Variants in QTRT1 observed in about 807,000 individuals in gnomAD.
QTRT1 encodes queuine tRNA-ribosyltransferase catalytic subunit 1.
A neutral mutation model predicts 44.0 loss-of-function variants in QTRT1; 41 were observed. The observed-to-expected ratio is 0.93, with a 90% CI of 0.73 to 1.21. The LOEUF is 1.21. QTRT1 is among the 50% of genes most tolerant of loss of function. The probability of loss-of-function intolerance (pLI) is 0.00; values close to 1 mark genes in which losing one functional copy is unlikely to be tolerated. For missense variants in QTRT1, 542 were observed against 575.8 expected (o/e 0.94, Z 0.60); for synonymous variants, 226 against 237.1 (o/e 0.95, Z 0.43).
intron 5 of QTRT1, chr19:10,711,175 TTC>T (rs1186614472): frequency 5.2e-5 from 8 of 152,386 alleles, no homozygotes; most frequent in South Asian, 2.1e-4. Context: ...TTGTTGTTGT[TTC>T]GTTTTGTTTT....
intron 5 of QTRT1, chr19:10,711,234 T>A (rs928319400): frequency 2.0e-5 from 3 of 152,376 alleles, no homozygotes; most frequent in Admixed American, 6.6e-5. Flanking sequence ...TGCAGTCATC[T>A]GATCTCGGCT....
At chr19:10,703,668 G>T (rs1305560820) in intron 3 of QTRT1, among the ~76,000 whole-genome samples, 1 of 151,606 alleles carries the variant, frequency 6.6e-6, no homozygotes, top group Non-Finnish European at 1.5e-5. Context: ...ACAGGTGCCC[G>T]CTACCACACC....
chr19:10,705,440 T>C (rs1011336688), intron 3 of QTRT1, among the ~76,000 whole-genome samples: 1 of 151,812 alleles, frequency 6.6e-6, no homozygotes, highest in Non-Finnish European at 1.5e-5. Flanking sequence ...GGTTTCACCA[T>C]GTTGGCCAGG....
rs772844765 is a variant in QTRT1 at position 10,701,622 on chromosome 19, G to C, written c.162G>C (p.Met54Ile). The change falls in exon 1 of 10, where the codon ATG becomes ATC. Residue 54 changes from methionine to isoleucine, a missense_variant. Met to Ile is a conservative substitution (Grantham distance 10). Transcript: ENST00000250237. ...VFMPVGTQAT[M>I]KGITTEQLDA... ...TGCCAGTGGGCACGCAGGCCACCAT[G>C]AAGGGCATCACGACCGAACAGCTGG... 1 of 1,605,418 alleles carries C rather than the reference G, an allele frequency of 6.2e-7. No individual in the cohort carries two copies. The highest frequency in any genetic ancestry group is 1.7e-5 in the Admixed American group (1 of 59,070).
chr19:10,712,481 T>C lies in QTRT1; in HGVS notation c.786-72T>C. The stretch of plus-strand genomic sequence containing the variant: ...GGGAATATGGCCCAGTCTGGGGCAG[T>C]GTGAGGGTTGGGAGGGGCCCTGGGA... On this transcript the variant is annotated intron_variant, in intron 6 of 9. Transcript: ENST00000250237. The surrounding 1 kb of genome is among the most constrained non-coding windows in gnomAD (Gnocchi z 5.6). 6.8e-7 allele frequency: 1 copy of C among 1,459,962 alleles called. No individual in the cohort carries two copies. Among genetic ancestry groups the C allele is most frequent in the South Asian group, 1.1e-5 (1 of 88,034 alleles). 90.4% of individuals were successfully genotyped at this position (1,459,962 alleles called of 1,614,324 possible).
At chr19:10,707,458 C>A (rs780193815) in intron 4 of QTRT1, 42 bp from the exon 5 acceptor site, 7 of 1,608,830 alleles carry the variant, frequency 4.4e-6, no homozygotes, top group Non-Finnish European at 6.0e-6. Flanking sequence ...CTCCTACCCC[C>A]TCACCAGGCC....
At position 10,712,011 on chromosome 19, in the gene QTRT1, C is replaced by T. The variant is rs948138445; in HGVS notation, c.647-150C>T. ...CTCCTCTGTCTCCCTCTCCGTCTCC[C>T]TCTCCGTCTCTGGCTCTGTCTGTCT... On this transcript the variant is annotated intron_variant, in intron 5 of 9. Transcript: ENST00000250237. This position sits in a 1 kb window ranked among gnomAD's most constrained non-coding sequence, Gnocchi z 5.6. 16 of 951,110 alleles carry T rather than the reference C, an allele frequency of 1.7e-5. No homozygotes were observed. In the African/African-American group the frequency reaches 2.6e-4, roughly 15 times the overall value. 58.9% of individuals were successfully genotyped at this position (951,110 alleles called of 1,614,324 possible).
At chr19:10,709,245 A>G (rs900570859) in intron 5 of QTRT1, 1 of 152,268 alleles carries the variant, frequency 6.6e-6, no homozygotes, top group African/African-American at 2.4e-5. Flanking sequence ...AAGTTGAACA[A>G]TAGCACAATT....
In QTRT1 at chr19:10,712,855, C is replaced by T. The variant is rs769134436; in HGVS notation, c.959C>T (p.Pro320Leu). 1.2e-6 allele frequency: 2 copies of T among 1,613,840 alleles called. No homozygotes were observed. The highest frequency in any genetic ancestry group is 1.1e-5 in the South Asian group (1 of 91,076). Residue 320 changes from proline (P) to leucine (L), a missense_variant, in exon 8 of 10, where the codon CCC (proline) becomes CTC (leucine). Pro to Leu is a moderately conservative substitution (Grantham distance 98). Transcript: ENST00000250237. The surrounding 1 kb of genome is among the most constrained non-coding windows in gnomAD (Gnocchi z 5.6). Reference protein sequence around the residue: ...FGPIDPECTCPTCQKHSRAFL... With the variant: ...FGPIDPECTCLTCQKHSRAFL... ...CCCATAGACCCGGAGTGCACCTGCC[C>T]CACGTGCCAAAAGTAGGCAGGATGG...
At chr19:10,708,853 C>T (rs180690157) in intron 5 of QTRT1, 2 of 151,480 alleles carry the variant, frequency 1.3e-5, no homozygotes, top group Non-Finnish European at 1.5e-5. Flanking sequence ...GCAACCTCCA[C>T]CTTCCGGTTT....
chr19:10,702,391 G>C (rs2068694336), intron 3 of QTRT1, 137 bp downstream of exon 3: 9 of 898,622 alleles, frequency 1.0e-5, no homozygotes, highest in Admixed American at 2.9e-5. Context: ...ACTCAAAGCG[G>C]GGGTAAATAG....
chr19:10,709,573 C>T (rs1161060715), intron 5 of QTRT1, among the ~76,000 whole-genome samples: 5 of 152,228 alleles, frequency 3.3e-5, no homozygotes, highest in South Asian at 4.1e-4. Context: ...TTAGGCCGGG[C>T]GTGGTGGCTC....
At chr19:10,711,027 C>G (rs941735654) in intron 5 of QTRT1, 2 of 152,086 alleles carry the variant, frequency 1.3e-5, no homozygotes. Flanking sequence ...CACATCAGCC[C>G]GTCATCTAGG....
chr19:10,706,792 C>T (rs961803232), intron 3 of QTRT1: 3 of 159,424 alleles, frequency 1.9e-5, no homozygotes, highest in South Asian at 1.7e-4. Flanking sequence ...AAGCTATTCT[C>T]CTGTCTCTGC....
At chr19:10,705,869 T>C (rs2068711383) in intron 3 of QTRT1, among the ~76,000 whole-genome samples, 1 of 139,030 alleles carries the variant, frequency 7.2e-6, no homozygotes, top group Non-Finnish European at 1.5e-5. Flanking sequence ...TTTTTTTTTT[T>C]TGTGGAGACA....
In QTRT1 at chr19:10,712,903, T is replaced by G; in HGVS notation, c.971+36T>G. ...TGGCACTGGGAGCTGGGGCAGGGCA[T>G]GGAGGGGACAGGGCCTGGCCGTGCT... is the stretch of plus-strand genomic sequence containing the variant. On this transcript the variant is annotated intron_variant, in intron 8 of 9. Transcript: ENST00000250237. The surrounding 1 kb of genome is among the most constrained non-coding windows in gnomAD (Gnocchi z 5.6). 6.2e-7 allele frequency: 1 copy of G among 1,612,888 alleles called. No individual in the cohort carries two copies. Among genetic ancestry groups the G allele is most frequent in the Non-Finnish European group, 8.5e-7 (1 of 1,179,346 alleles).
chr19:10,707,000 G>T (rs2068716906), intron 3 of QTRT1, among the ~76,000 whole-genome samples: 1 of 152,206 alleles, frequency 6.6e-6, no homozygotes, highest in African/African-American at 2.4e-5. Context: ...CCTGCTGATG[G>T]ACGTTTGGTT....
intron 3 of QTRT1, among the ~76,000 whole-genome samples, chr19:10,704,818 C>T (rs1333928834): frequency 2.0e-5 from 3 of 148,582 alleles, no homozygotes; most frequent in South Asian, 2.2e-4. Flanking sequence ...AACTCCCGAC[C>T]TCAGGTGATC....
rs1209745782 is a variant in QTRT1 at position 10,707,550 on chromosome 19, A to G, written c.581A>G (p.Lys194Arg). Residue 194 changes from lysine (K) to arginine (R), a missense_variant, in exon 5 of 10, where the codon AAG (lysine) becomes AGG (arginine). Physicochemically the swap from Lys to Arg is conservative, Grantham distance 26. Coordinates refer to ENST00000250237, the MANE Select transcript of QTRT1 (RefSeq NM_031209.3). ...RCIAAHQRPD[K>R]QNLFAIIQGG... ...ATTGCAGCCCATCAGCGGCCGGACAAGCAGAACCTCTTCGCCATTATCCAG... is the reference window on the plus strand; with the variant it reads ...ATTGCAGCCCATCAGCGGCCGGACAGGCAGAACCTCTTCGCCATTATCCAG... The G allele has an allele frequency of 6.2e-7, 1 of 1,613,204 alleles. No homozygotes were observed. The highest frequency in any genetic ancestry group is 2.2e-5 in the East Asian group (1 of 44,864).
Sources: gnomAD v4.1 joint callset for allele counts (sites outside exome capture counted in the v4.1 genomes callset) on GRCh38, gnomAD v4.1.1 for gene constraint, Gnocchi (gnomAD v3.1) non-coding constraint, MANE v1.5 for transcripts, NCBI Gene and HGNC (gene_info 2026-07-23, HGNC 2026-07-21) for gene names.